The following NAT1 variants were observed in gnomAD, a reference collection of about 807,000 sequenced individuals.
NAT1 encodes N-acetyltransferase 1.
For missense variants in NAT1, 400 were observed against 339.2 expected (o/e 1.18, Z -1.41); for synonymous variants, 144 against 122.6 (o/e 1.17, Z -1.16).
intron 2 of NAT1, among the ~76,000 whole-genome samples, chr8:18,198,612 A>AT (rs1451118851): frequency 1.3e-5 from 2 of 152,322 alleles, no homozygotes; most frequent in East Asian, 3.9e-4. Context: ...TAAAGGTTTT[A>AT]TTTTTCCCCA....
At chr8:18,192,896 T>C (rs1214094710) in intron 2 of NAT1, among the ~76,000 whole-genome samples, 1 of 151,438 alleles carries the variant, frequency 6.6e-6, no homozygotes, top group Non-Finnish European at 1.5e-5. Flanking sequence ...TGCTAAATGA[T>C]GAGTTAATGG....
At chr8:18,221,201 A>T (rs1349776875) in intron 2 of NAT1, among the ~76,000 whole-genome samples, 1 of 152,090 alleles carries the variant, frequency 6.6e-6, no homozygotes, top group South Asian at 2.1e-4. Flanking sequence ...TTTCCAGCTT[A>T]AGGCCTTGTT....
intron 1 of NAT1, chr8:18,211,460 AC>A (rs1804094911): frequency 1.3e-5 from 2 of 152,276 alleles, no homozygotes; most frequent in African/African-American, 4.8e-5. Context: ...CTCAAAAGGA[AC>A]TTTTTAACTG....
intron 2 of NAT1, among the ~76,000 whole-genome samples, chr8:18,176,744 T>G (rs1398289322): frequency 6.6e-6 from 1 of 152,058 alleles, no homozygotes; most frequent in African/African-American, 2.4e-5. Context: ...TTTTCTATTT[T>G]TATAAAAAAA....
chr8:18,181,547 T>C (rs1563163308), intron 2 of NAT1, among the ~76,000 whole-genome samples: 1 of 152,192 alleles, frequency 6.6e-6, no homozygotes, highest in Non-Finnish European at 1.5e-5. Context: ...CCAGTTGAGA[T>C]GCCCTTTATT....
At chr8:18,179,881 T>A (rs1277899697) in intron 2 of NAT1, among the ~76,000 whole-genome samples, 1 of 152,134 alleles carries the variant, frequency 6.6e-6, no homozygotes, top group Admixed American at 6.6e-5. Context: ...CTCTAATGAT[T>A]TGCAGTGTAG....
At chr8:18,180,595 A>G (rs1461425595) in intron 2 of NAT1, among the ~76,000 whole-genome samples, 1 of 152,178 alleles carries the variant, frequency 6.6e-6, no homozygotes, top group African/African-American at 2.4e-5. Context: ...CTATTGCACA[A>G]TATGGTGACA....
chr8:18,185,053 G>A (rs1015243599), intron 2 of NAT1, among the ~76,000 whole-genome samples: 8 of 70,282 alleles, frequency 1.1e-4, no homozygotes, highest in African/African-American at 1.0e-3. Context: ...TTTTTTTCAG[G>A]TTTCAGGAGT....
At chr8:18,219,344 A>T (rs1234838310) in intron 1 of NAT1, 67 bp from the exon 2 acceptor site, 18 of 1,104,126 alleles carry the variant, frequency 1.6e-5, no homozygotes, top group Non-Finnish European at 2.4e-5. Flanking sequence ...ACGGTCTACA[A>T]AACTATTATT....
intron 1 of NAT1, among the ~76,000 whole-genome samples, chr8:18,210,566 G>A (rs1441245018): frequency 6.6e-6 from 1 of 152,182 alleles, no homozygotes; most frequent in African/African-American, 2.4e-5. Flanking sequence ...TTTCTCAACA[G>A]GATTTCCCTC....
At chr8:18,209,160 G>C (rs1022897643), upstream of NAT1, among the ~76,000 whole-genome samples, 8 of 152,164 alleles carry the variant, frequency 5.3e-5, no homozygotes, top group African/African-American at 1.2e-4. Flanking sequence ...CCAACATCCT[G>C]GGCTGAATAG....
At chr8:18,210,470 T>C (rs1356175486) in intron 1 of NAT1, among the ~76,000 whole-genome samples, 1 of 152,140 alleles carries the variant, frequency 6.6e-6, no homozygotes, top group Non-Finnish European at 1.5e-5. Context: ...TTCAGTAAAA[T>C]GGAGCTACGA....
rs28359497 is a variant in NAT1, at chr8:18,213,544, C to T, written c.-86+3364C>T. The stretch of plus-strand genomic sequence containing the variant: ...AACTAACCTCTAACTAGGGACTTTT[C>T]ACTCTAACCAACCAAATAGCTTTTC... On this transcript the variant is annotated intron_variant, in intron 1 of 2. Transcript: ENST00000307719. Among the ~76,000 whole-genome samples, 431 of 152,170 alleles carry T rather than the reference C, an allele frequency of 2.8e-3. 3 individuals carry two copies. The highest frequency in any genetic ancestry group is 0.01 in the African/African-American group (420 of 41,528).
At chr8:18,200,732 TTAAG>T (rs1326520686) in intron 2 of NAT1, among the ~76,000 whole-genome samples, 4 of 152,064 alleles carry the variant, frequency 2.6e-5, no homozygotes, top group African/African-American at 9.7e-5. Flanking sequence ...GATTGATTAA[TTAAG>T]TAATATGTAG....
intron 2 of NAT1, among the ~76,000 whole-genome samples, chr8:18,171,637 C>A (rs1207736526): frequency 6.6e-6 from 1 of 151,994 alleles, no homozygotes; most frequent in African/African-American, 2.4e-5. Flanking sequence ...AACAAAAAAA[C>A]CTCCAAAAGA....
chr8:18,173,338 C>T (rs1320687365), intron 2 of NAT1, among the ~76,000 whole-genome samples: 1 of 152,164 alleles, frequency 6.6e-6, no homozygotes, highest in Non-Finnish European at 1.5e-5. Flanking sequence ...TCATTCTTGC[C>T]ATCTGTCTTC....
At chr8:18,183,400 T>A (rs1802601532) in intron 2 of NAT1, among the ~76,000 whole-genome samples, 1 of 152,206 alleles carries the variant, frequency 6.6e-6, no homozygotes, top group Admixed American at 6.5e-5. Context: ...TAAAATACAT[T>A]AATTCTTTCT....
chr8:18,202,144 C>G (rs1803490671), intron 2 of NAT1, among the ~76,000 whole-genome samples: 2 of 152,176 alleles, frequency 1.3e-5, no homozygotes, highest in Non-Finnish European at 2.9e-5. Flanking sequence ...CAAACCTTAT[C>G]TTTGTGTAAG....
chr8:18,181,611 T>C (rs1481679197), intron 2 of NAT1, among the ~76,000 whole-genome samples: 1 of 152,156 alleles, frequency 6.6e-6, no homozygotes, highest in South Asian at 2.1e-4. Context: ...TTAATATGTA[T>C]AAAAGTGGTA....
Sources: gnomAD v4.1 joint callset for allele counts (sites outside exome capture counted in the v4.1 genomes callset) on GRCh38, gnomAD v4.1.1 for gene constraint, MANE v1.5 for transcripts, NCBI Gene and HGNC (gene_info 2026-07-23, HGNC 2026-07-21) for gene names.